LRFN2: variants seen among roughly 807,000 people sequenced by gnomAD.
LRFN2 encodes leucine-rich repeat and fibronectin type-III domain-containing protein 2.
In LRFN2, 18 loss-of-function variants were observed where a neutral mutation model predicts 37.3. The ratio of observed to expected loss-of-function variants is 0.48; its 90% CI spans 0.33 to 0.72. The LOEUF (loss-of-function observed/expected upper bound fraction) is 0.72, where lower values mean the gene tolerates loss of function less well. LRFN2 is among the 30% of genes least tolerant of loss of function. LRFN2 has a pLI of 0.02. For synonymous variants in LRFN2, 556 were observed against 466.6 expected (o/e 1.19, Z -2.47); for missense variants, 1,006 against 1,060.7 (o/e 0.95, Z 0.72).
chr6:40,472,513 G>T (rs963010375), intron 1 of LRFN2, among the ~76,000 whole-genome samples: 1 of 152,200 alleles, frequency 6.6e-6, no homozygotes, highest in Non-Finnish European at 1.5e-5. Flanking sequence ...GCCTTCCCGG[G>T]CATCCTGCCA....
chr6:40,566,834 T>G (rs1202232567), intron 1 of LRFN2, among the ~76,000 whole-genome samples: 1 of 151,944 alleles, frequency 6.6e-6, no homozygotes, highest in African/African-American at 2.4e-5. Flanking sequence ...TGTATACATA[T>G]GTAACAAACC....
chr6:40,527,856 T>C lies in LRFN2; in HGVS notation c.-19+59085A>G, dbSNP rs367913628. ...AGTTCAGTTTGTAGTTTGGGTCATA[T>C]AGAGGAGACAGAGGAACCTCCTGCT... On this transcript the variant is annotated intron_variant, in intron 1 of 2. Transcript: ENST00000338305. Among the ~76,000 whole-genome samples the C allele has an allele frequency of 5.6e-4, 85 of 152,362 alleles. No individual in the cohort carries two copies. The South Asian group carries it at 0.013, about 23-fold the overall frequency.
At chr6:40,469,727 G>A (rs1202143353) in intron 1 of LRFN2, among the ~76,000 whole-genome samples, 1 of 152,056 alleles carries the variant, frequency 6.6e-6, no homozygotes, top group African/African-American at 2.4e-5. Context: ...CCCTGGCAGG[G>A]GCCTTTCGGG....
rs775972328 is a variant in LRFN2, at chr6:40,431,937, T to TG, written c.1176dup (p.Lys393GlnfsTer38). The stretch of plus-strand genomic sequence containing the variant: ...CCAGTGATGTCTGAGAGGCGGGACT[T>TG]GGGGGGTGCAGTGCGGCTGGTGCTG... On this transcript the variant is annotated frameshift_variant, in exon 2 of 3. Transcript: ENST00000338305. LOFTEE classifies it high-confidence loss of function. 1.2e-6 allele frequency: 2 copies of TG among 1,613,422 alleles called. No individual in the cohort carries two copies. Among genetic ancestry groups the TG allele is most frequent in the Non-Finnish European group, 8.5e-7 (1 of 1,179,828 alleles).
At chr6:40,583,202 A>ATATATACACTATATATATATATAG (rs61063165) in intron 1 of LRFN2, among the ~76,000 whole-genome samples, 1 of 144,722 alleles carries the variant, frequency 6.9e-6, no homozygotes. Flanking sequence ...ATATATAGAC[A>ATATATACACTATATATATATATAG]TATATATACA....
chr6:40,546,135 G>T (rs1043844461), intron 1 of LRFN2, among the ~76,000 whole-genome samples: 1 of 152,006 alleles, frequency 6.6e-6, no homozygotes, highest in Non-Finnish European at 1.5e-5. Context: ...GGCAAAACGG[G>T]CTGAGAGAGG....
At chr6:40,490,757 T>C (rs530039178) in intron 1 of LRFN2, among the ~76,000 whole-genome samples, 1 of 152,320 alleles carries the variant, frequency 6.6e-6, no homozygotes, top group East Asian at 1.9e-4. Context: ...AGAGACTTGC[T>C]CCTGGGCTCA....
At chr6:40,492,679 C>T (rs1765119829) in intron 1 of LRFN2, among the ~76,000 whole-genome samples, 1 of 152,152 alleles carries the variant, frequency 6.6e-6, no homozygotes, top group Admixed American at 6.5e-5. Context: ...AGGTGGGCAT[C>T]ACTGCATGGC....
chr6:40,493,813 C>T (rs1706075628), intron 1 of LRFN2, among the ~76,000 whole-genome samples: 1 of 152,190 alleles, frequency 6.6e-6, no homozygotes, highest in South Asian at 2.1e-4. Context: ...CCCATCAAGC[C>T]AGGCTCTAGA....
At chr6:40,568,329 G>A (rs1483900721) in intron 1 of LRFN2, among the ~76,000 whole-genome samples, 1 of 152,202 alleles carries the variant, frequency 6.6e-6, no homozygotes, top group Non-Finnish European at 1.5e-5. Flanking sequence ...GGAACTGTGA[G>A]TTGGCATGCA....
At chr6:40,551,233 G>A (rs907085764) in intron 1 of LRFN2, among the ~76,000 whole-genome samples, 2 of 152,138 alleles carry the variant, frequency 1.3e-5, no homozygotes, top group Non-Finnish European at 2.9e-5. Flanking sequence ...ACTGCATTCC[G>A]GGCACTATTC....
intron 1 of LRFN2, among the ~76,000 whole-genome samples, chr6:40,513,697 C>T (rs1433383942): frequency 2.0e-5 from 3 of 152,058 alleles, no homozygotes; most frequent in South Asian, 2.1e-4. Flanking sequence ...AAAGGTGATA[C>T]GTGCCAGGGA....
At chr6:40,487,820 G>C (rs1001903831) in intron 1 of LRFN2, among the ~76,000 whole-genome samples, 3 of 152,222 alleles carry the variant, frequency 2.0e-5, no homozygotes, top group African/African-American at 7.2e-5. Flanking sequence ...TCTGCTGGAG[G>C]TATCCTGTGC....
chr6:40,490,738 C>T (rs776341591), intron 1 of LRFN2, among the ~76,000 whole-genome samples: 3 of 152,204 alleles, frequency 2.0e-5, no homozygotes. Flanking sequence ...ATCAGAGAAG[C>T]CTGCCACCAG....
At chr6:40,428,846 G>T (rs1043276597) in intron 2 of LRFN2, among the ~76,000 whole-genome samples, 1 of 152,104 alleles carries the variant, frequency 6.6e-6, no homozygotes, top group Non-Finnish European at 1.5e-5. Flanking sequence ...AAAAATTTTG[G>T]AAATTTGTCT....
At chr6:40,460,312 C>T (rs1293718787) in intron 1 of LRFN2, among the ~76,000 whole-genome samples, 4 of 152,308 alleles carry the variant, frequency 2.6e-5, no homozygotes, top group Admixed American at 6.5e-5. Flanking sequence ...AGGCTGTAGA[C>T]TCTTCCCCAG....
intron 2 of LRFN2, among the ~76,000 whole-genome samples, chr6:40,405,983 G>C (rs1047557922): frequency 2.6e-5 from 4 of 152,186 alleles, no homozygotes; most frequent in African/African-American, 9.6e-5. Flanking sequence ...GAAAGTCGCA[G>C]CCCAAGTGTT....
chr6:40,562,138 T>C (rs1767004942), intron 1 of LRFN2, among the ~76,000 whole-genome samples: 1 of 152,064 alleles, frequency 6.6e-6, no homozygotes. Flanking sequence ...AATCAACACA[T>C]GATAAGAGGC....
chr6:40,442,225 C>A (rs374465609), intron 1 of LRFN2, among the ~76,000 whole-genome samples: 1 of 152,186 alleles, frequency 6.6e-6, no homozygotes, highest in Non-Finnish European at 1.5e-5. Context: ...GGGTGAATAA[C>A]GCAAAGTGGC....
Sources: gnomAD v4.1 joint callset for allele counts (sites outside exome capture counted in the v4.1 genomes callset) on GRCh38, gnomAD v4.1.1 for gene constraint, MANE v1.5 for transcripts, NCBI Gene and HGNC (gene_info 2026-07-23, HGNC 2026-07-21) for gene names.